ITFG1: variants seen among roughly 807,000 people sequenced by gnomAD.
ITFG1 encodes T-cell immunomodulatory protein.
A neutral mutation model predicts 81.8 loss-of-function variants in ITFG1; 34 were observed. That is an observed-to-expected ratio of 0.42 (90% CI 0.32 to 0.55). The LOEUF is 0.55. Ranked by LOEUF, ITFG1 falls within the 20% of genes least tolerant of loss-of-function variation. The pLI is 0.17. For synonymous variants in ITFG1, 285 were observed against 270.6 expected (o/e 1.05, Z -0.52); for missense variants, 672 against 755.4 (o/e 0.89, Z 1.29).
intron 6 of ITFG1, among the ~76,000 whole-genome samples, chr16:47,406,193 G>T (rs565294627): frequency 6.6e-6 from 1 of 152,086 alleles, no homozygotes; most frequent in Non-Finnish European, 1.5e-5. Flanking sequence ...ATTTAGAAGC[G>T]ATTTATATGA....
In ITFG1 at chr16:47,262,484, G is replaced by A. The variant is rs533155061; in HGVS notation, c.1071-1789C>T. Among the ~76,000 whole-genome samples, 7 of 152,316 alleles carry A rather than the reference G, an allele frequency of 4.6e-5. 1 individual carries two copies. The East Asian group carries it at 1.3e-3, about 29-fold the overall frequency. On this transcript the variant is annotated intron_variant, in intron 10 of 17. Coordinates refer to ENST00000320640, the MANE Select transcript of ITFG1 (RefSeq NM_030790.5). ...ATTAGAAGATTGTATTAAAACATGA[G>A]AACATGTGATAAAAGCGGACTTTCT...
chr16:47,162,676 C>A lies in ITFG1; in HGVS notation c.1454-12G>T. ...GCTGAGTTGGCCAGCTAGAGTTATT[C>A]AATTAAAAAAAAATTAAAAACATCT... On this transcript the variant is annotated splice_polypyrimidine_tract_variant and intron_variant, in intron 14 of 17. Coordinates refer to ENST00000320640, the MANE Select transcript of ITFG1 (RefSeq NM_030790.5). 6.4e-7 allele frequency: 1 copy of A among 1,562,042 alleles called. No individual in the cohort carries two copies. Among genetic ancestry groups the A allele is most frequent in the Non-Finnish European group, 8.6e-7 (1 of 1,159,488 alleles).
At chr16:47,400,615 A>C (rs1488287824) in intron 6 of ITFG1, among the ~76,000 whole-genome samples, 1 of 152,180 alleles carries the variant, frequency 6.6e-6, no homozygotes, top group African/African-American at 2.4e-5. Context: ...AGTACACAGA[A>C]TAGTGGTCAT....
chr16:47,451,610 A>C, intron 4 of ITFG1, 140 bp from the exon 5 acceptor site: 2 of 561,100 alleles, frequency 3.6e-6, no homozygotes, highest in Non-Finnish European at 6.3e-6. Flanking sequence ...ATTAAGTCAA[A>C]TGTCAGCACA....
chr16:47,338,655 CTT>C (rs879271028), intron 8 of ITFG1, among the ~76,000 whole-genome samples: 3 of 141,810 alleles, frequency 2.1e-5, no homozygotes, highest in Non-Finnish European at 3.1e-5. Context: ...AAAAACTTTA[CTT>C]TTTTTTTTTT....
chr16:47,323,230 T>A (rs567465756), intron 8 of ITFG1, among the ~76,000 whole-genome samples: 2 of 152,320 alleles, frequency 1.3e-5, no homozygotes, highest in East Asian at 3.9e-4. Context: ...AACTCATTCA[T>A]GAGTTAATTA....
In ITFG1 at chr16:47,376,964, C is replaced by CAAAAAAAAAAAAAAAAAAAAAAAAAA. The variant is rs1222007051; in HGVS notation, c.656-1050_656-1025dup. Among the ~76,000 whole-genome samples the CAAAAAAAAAAAAAAAAAAAAAAAAAA allele has an allele frequency of 5.0e-4, 9 of 18,074 alleles. 3 individuals carry two copies. The highest frequency in any genetic ancestry group is 2.8e-3 in the South Asian group (1 of 354). 11.9% of individuals were successfully genotyped at this position (18,074 alleles called of 152,430 possible). On this transcript the variant is annotated intron_variant, in intron 6 of 17. Transcript: ENST00000320640. ...GAGACAGAGGGAGACTCTGTCTCCC[C>CAAAAAAAAAAAAAAAAAAAAAAAAAA]AAAAAAAAAAAAAAAAAAAAAAAAA...
At chr16:47,185,194 C>T (rs1176120980) in intron 14 of ITFG1, among the ~76,000 whole-genome samples, 1 of 152,006 alleles carries the variant, frequency 6.6e-6, no homozygotes, top group African/African-American at 2.4e-5. Flanking sequence ...ACTTTAACAC[C>T]CCACTGTCAA....
chr16:47,435,310 C>T (rs540379933), intron 5 of ITFG1, among the ~76,000 whole-genome samples: 1 of 152,190 alleles, frequency 6.6e-6, no homozygotes, highest in African/African-American at 2.4e-5. Flanking sequence ...GTGCCCAACT[C>T]CATTTGAAGG....
intron 6 of ITFG1, among the ~76,000 whole-genome samples, chr16:47,397,098 G>A (rs747822922): frequency 5.9e-5 from 9 of 152,292 alleles, no homozygotes; most frequent in Non-Finnish European, 1.2e-4. Context: ...CAGATATTTC[G>A]GGGAGAAATA....
At chr16:47,335,784 C>A (rs1348173114) in intron 8 of ITFG1, among the ~76,000 whole-genome samples, 1 of 152,118 alleles carries the variant, frequency 6.6e-6, no homozygotes. Flanking sequence ...CTGGTAGTAA[C>A]AATATGGATA....
chr16:47,165,556 A>G (rs967722709), intron 14 of ITFG1, among the ~76,000 whole-genome samples: 1 of 152,254 alleles, frequency 6.6e-6, no homozygotes. Context: ...ACAGAGTTGA[A>G]TTAAAAATTA....
intron 13 of ITFG1, among the ~76,000 whole-genome samples, chr16:47,221,691 C>T (rs1459879243): frequency 1.2e-4 from 19 of 152,150 alleles, no homozygotes; most frequent in Admixed American, 1.0e-3. Flanking sequence ...TGGTAGAATT[C>T]GGCTGTGAAT....
intron 8 of ITFG1, among the ~76,000 whole-genome samples, chr16:47,331,096 G>T (rs1290148889): frequency 6.6e-6 from 1 of 152,040 alleles, no homozygotes; most frequent in Non-Finnish European, 1.5e-5. Context: ...CGGTGGACTG[G>T]ATAAAGAAAA....
At chr16:47,452,655 C>A in intron 4 of ITFG1, 78 bp downstream of exon 4, 1 of 902,650 alleles carries the variant, frequency 1.1e-6, no homozygotes. Flanking sequence ...TATTACTAAG[C>A]AAAGTAGTTT....
At chr16:47,344,163 AT>A (rs1175725669) in intron 8 of ITFG1, among the ~76,000 whole-genome samples, 3 of 152,214 alleles carry the variant, frequency 2.0e-5, no homozygotes, top group Non-Finnish European at 4.4e-5. Context: ...ACTTAGAGGC[AT>A]AGAAAAAGTT....
Position 47,411,715 on chromosome 16 carries a change from C to G in ITFG1, c.655+17089G>C, listed in dbSNP as rs371758060. Among the ~76,000 whole-genome samples the G allele has an allele frequency of 1.2e-4, 18 of 152,194 alleles. No individual in the cohort carries two copies. In the East Asian group the frequency reaches 2.7e-3, roughly 23 times the overall value. On this transcript the variant is annotated intron_variant, in intron 6 of 17. Coordinates refer to ENST00000320640, the MANE Select transcript of ITFG1 (RefSeq NM_030790.5). The stretch of plus-strand genomic sequence containing the variant: ...CAGCCCGCCAGGACCCCCACTGGAG[C>G]CAAGGAAAGATGGGTGCAGTCCTAA...
intron 10 of ITFG1, among the ~76,000 whole-genome samples, chr16:47,269,494 A>G (rs1383878186): frequency 5.9e-5 from 9 of 151,584 alleles, no homozygotes; most frequent in Non-Finnish European, 1.0e-4. Flanking sequence ...ATTAAAAAAA[A>G]AAAAAAAAAC....
chr16:47,450,024 C>T (rs967142149), intron 5 of ITFG1: 1 of 152,308 alleles, frequency 6.6e-6, no homozygotes, highest in Non-Finnish European at 1.5e-5. Flanking sequence ...AAGTCACCAT[C>T]ACATCCTCAA....
Sources: allele counts gnomAD v4.1 joint callset (sites outside exome capture counted in the v4.1 genomes callset), GRCh38; gene constraint gnomAD v4.1.1; transcripts MANE v1.5; gene names NCBI Gene and HGNC (gene_info 2026-07-23, HGNC 2026-07-21).